Variants in XPO4 observed in about 807,000 individuals in gnomAD.
The protein encoded by XPO4 is exportin-4.
XPO4 carries 39 observed loss-of-function variants against 143.0 expected under a neutral mutation model. The ratio of observed to expected loss-of-function variants is 0.27; its 90% CI spans 0.21 to 0.36. The LOEUF (loss-of-function observed/expected upper bound fraction) is 0.36. XPO4 is among the 10% of genes least tolerant of loss of function. XPO4 has a pLI of 1.00. For synonymous variants in XPO4, 439 were observed against 474.0 expected (o/e 0.93, Z 0.96); for missense variants, 907 against 1,348.0 (o/e 0.67, Z 5.12).
chr13:20,811,282 TTTTTTC>T (rs1033162795), intron 9 of XPO4, among the ~76,000 whole-genome samples: 1 of 150,004 alleles, frequency 6.7e-6, no homozygotes, highest in African/African-American at 2.5e-5. Flanking sequence ...GATAGAATGC[TTTTTTC>T]TTTTTTTTTT....
chr13:20,781,699 T>C lies in XPO4; in HGVS notation c.*2023A>G, dbSNP rs2141460070. 6.6e-6 allele frequency: 1 copy of C among 152,338 alleles called. No individual in the cohort carries two copies. The highest frequency in any genetic ancestry group is 1.9e-4 in the East Asian group (1 of 5,196). 9.4% of individuals were successfully genotyped at this position (152,338 alleles called of 1,614,324 possible). ...TAATAACTTGATTATAGTTTTGTCATGGCGCGTGGACCTGTCCAGTCAATT... is the reference window on the plus strand; with the variant it reads ...TAATAACTTGATTATAGTTTTGTCACGGCGCGTGGACCTGTCCAGTCAATT... On this transcript the variant is annotated 3_prime_UTR_variant, in exon 23 of 23. Coordinates refer to ENST00000255305, the MANE Select transcript of XPO4 (RefSeq NM_022459.5).
At chr13:20,881,970 C>T (rs1420992758) in intron 1 of XPO4, among the ~76,000 whole-genome samples, 3 of 151,558 alleles carry the variant, frequency 2.0e-5, no homozygotes, top group Non-Finnish European at 4.4e-5. Flanking sequence ...ATTAACTGGG[C>T]ATGGTAGTGT....
chr13:20,818,796 C>T (rs1439434656), intron 9 of XPO4, among the ~76,000 whole-genome samples: 2 of 152,024 alleles, frequency 1.3e-5, no homozygotes, highest in Non-Finnish European at 1.5e-5. Flanking sequence ...AATTATTGTA[C>T]ACTATACACG....
At chr13:20,891,848 G>A (rs2060520257) in intron 1 of XPO4, among the ~76,000 whole-genome samples, 1 of 142,972 alleles carries the variant, frequency 7.0e-6, no homozygotes, top group Non-Finnish European at 1.5e-5. Context: ...GGGTGACAGA[G>A]CAAGACTCCA....
chr13:20,804,870 T>C (rs73437414), intron 13 of XPO4, among the ~76,000 whole-genome samples: 8,959 of 152,112 alleles, frequency 0.059, 787 homozygotes, highest in African/African-American at 0.19. Context: ...GCCACCATCA[T>C]CTTTCTCTTG....
intron 1 of XPO4, among the ~76,000 whole-genome samples, chr13:20,871,470 C>T (rs778146430): frequency 2.6e-5 from 4 of 152,190 alleles, no homozygotes; most frequent in Non-Finnish European, 4.4e-5. Context: ...CAGGGGCATG[C>T]CACCACACAG....
At chr13:20,841,513 A>G (rs945210880) in intron 6 of XPO4, among the ~76,000 whole-genome samples, 23 of 152,274 alleles carry the variant, frequency 1.5e-4, no homozygotes, top group African/African-American at 4.6e-4. Flanking sequence ...TTATTGGGAG[A>G]AAGATGATTA....
chr13:20,902,599 G>A (rs35799966), intron 1 of XPO4, 71 bp downstream of exon 1: 25,805 of 1,452,544 alleles, frequency 0.018, 531 homozygotes, highest in African/African-American at 0.095. Context: ...CCAGCGAGCA[G>A]CAAGGCCTGG....
chr13:20,814,802 G>C (rs540059979), intron 9 of XPO4, among the ~76,000 whole-genome samples: 2 of 152,318 alleles, frequency 1.3e-5, no homozygotes, highest in South Asian at 4.1e-4. Context: ...TGGAAATGCA[G>C]GGTGGAGAAG....
chr13:20,796,753 A>G lies in XPO4; in HGVS notation c.2616+11T>C. 1 of 1,551,766 alleles carries G rather than the reference A, an allele frequency of 6.4e-7. No individual in the cohort carries two copies. Among genetic ancestry groups the G allele is most frequent in the South Asian group, 1.3e-5 (1 of 78,286 alleles). On this transcript the variant is annotated intron_variant, in intron 17 of 22. Transcript: ENST00000255305. ...TTTAATCCTGAGGGGATAAAATTAGAAAGTGCTTACCTCTCCAAGATAGCA... is the reference window on the plus strand; with the variant it reads ...TTTAATCCTGAGGGGATAAAATTAGGAAGTGCTTACCTCTCCAAGATAGCA...
chr13:20,895,244 T>C (rs2060557197), intron 1 of XPO4, among the ~76,000 whole-genome samples: 1 of 152,188 alleles, frequency 6.6e-6, no homozygotes, highest in African/African-American at 2.4e-5. Flanking sequence ...ATTTATGGTC[T>C]AAATTTTTAT....
At chr13:20,843,944 A>T in intron 4 of XPO4, 58 bp from the exon 5 acceptor site, 1 of 1,294,108 alleles carries the variant, frequency 7.7e-7, no homozygotes, top group Non-Finnish European at 1.1e-6. Context: ...GCTTTGTTTC[A>T]ATGCATTTGT....
In XPO4 at chr13:20,780,245, T is replaced by C. The variant is rs940667842; in HGVS notation, c.*3477A>G. 6.6e-6 allele frequency: 1 copy of C among 152,182 alleles called. No homozygotes were observed. The highest frequency in any genetic ancestry group is 2.1e-4 in the South Asian group (1 of 4,826). 9.4% of individuals were successfully genotyped at this position (152,182 alleles called of 1,614,324 possible). On this transcript the variant is annotated 3_prime_UTR_variant, in exon 23 of 23. Transcript: ENST00000255305. ...AAGACAGCTAACTTAGTAAGGTCAA[T>C]TGACAACCACCTCTAACAACAGAGG... is the stretch of plus-strand genomic sequence containing the variant.
rs1025486233 is a variant in XPO4, at chr13:20,843,563, A to C, written c.573+207T>G. On this transcript the variant is annotated intron_variant, in intron 5 of 22. Coordinates refer to ENST00000255305, the MANE Select transcript of XPO4 (RefSeq NM_022459.5). ...GATCTTTATAGAAGTATTGTTTTTA[A>C]GACTAGAATTAAACAAGTAATTTTA... Among the ~76,000 whole-genome samples, 7 of 152,372 alleles carry C rather than the reference A, an allele frequency of 4.6e-5. No homozygotes were observed. The East Asian group carries it at 1.3e-3, about 29-fold the overall frequency.
At chr13:20,888,410 T>C (rs2060480739) in intron 1 of XPO4, among the ~76,000 whole-genome samples, 1 of 152,160 alleles carries the variant, frequency 6.6e-6, no homozygotes, top group Non-Finnish European at 1.5e-5. Flanking sequence ...GAGTGCAGTG[T>C]TGTAATCATA....
At chr13:20,837,884 G>A (rs1157815851) in intron 6 of XPO4, among the ~76,000 whole-genome samples, 1 of 152,076 alleles carries the variant, frequency 6.6e-6, no homozygotes, top group South Asian at 2.1e-4. Context: ...ATCTCCCACG[G>A]GGTCCCTCCC....
In XPO4 at chr13:20,796,157, C is replaced by T; in HGVS notation, c.2716G>A (p.Glu906Lys). The change falls in exon 18 of 23, where the codon GAG becomes AAG. Residue 906 changes from glutamate to lysine, a missense_variant. Glu to Lys is a moderately conservative substitution (Grantham distance 56, BLOSUM62 1). Transcript: ENST00000255305. Reference protein sequence around the residue: ...RQRIDVTAEEEQYQDLLLIME... With the variant: ...RQRIDVTAEEKQYQDLLLIME... ...ATGAGAAGCAGGTCTTGGTATTGCT[C>T]TTCTTCTGCTGTAACATCTATTCTT... 1 of 1,613,678 alleles carries T rather than the reference C, an allele frequency of 6.2e-7. No individual in the cohort carries two copies. The highest frequency in any genetic ancestry group is 1.1e-5 in the South Asian group (1 of 91,054).
At chr13:20,862,915 T>C (rs775406468) in intron 2 of XPO4, 57 bp from the exon 3 acceptor site, 24 of 1,595,134 alleles carry the variant, frequency 1.5e-5, no homozygotes, top group Non-Finnish European at 1.9e-5. Context: ...CTTGCACATT[T>C]TGCATTTATT....
chr13:20,789,911 T>C (rs556930114), intron 19 of XPO4, among the ~76,000 whole-genome samples: 1 of 151,518 alleles, frequency 6.6e-6, no homozygotes, highest in Non-Finnish European at 1.5e-5. Flanking sequence ...TAGAAAAAAG[T>C]TGCCTCACCG....
Sources: allele counts gnomAD v4.1 joint callset (sites outside exome capture counted in the v4.1 genomes callset), GRCh38; gene constraint gnomAD v4.1.1; transcripts MANE v1.5; gene names NCBI Gene and HGNC (gene_info 2026-07-23, HGNC 2026-07-21).